MALRD1: variants seen among roughly 807,000 people sequenced by gnomAD.
MALRD1 encodes the protein MAM and LDL-receptor class A domain-containing protein 1.
A neutral mutation model predicts 242.1 loss-of-function variants in MALRD1; 247 were observed. That is an observed-to-expected ratio of 1.02 (90% CI 0.92 to 1.13). MALRD1 has a LOEUF of 1.13. Ranked by LOEUF, MALRD1 falls within the 50% of genes most tolerant of loss-of-function variation. The pLI, the probability that MALRD1 is intolerant of heterozygous loss-of-function variation, is 0.00. For missense variants in MALRD1, 2,989 were observed against 2,533.1 expected, an observed-to-expected ratio of 1.18 and a Z score of -3.86; for synonymous variants, 995 against 866.6, an observed-to-expected ratio of 1.15 and a Z score of -2.60.
At chr10:19,234,844 T>G (rs140864685) in intron 18 of MALRD1, among the ~76,000 whole-genome samples, 1 of 152,266 alleles carries the variant, frequency 6.6e-6, no homozygotes, top group Non-Finnish European at 1.5e-5. Flanking sequence ...GGATGGCATC[T>G]GACTCAGCAT....
intron 33 of MALRD1, among the ~76,000 whole-genome samples, chr10:19,593,761 G>C (rs917754970): frequency 6.6e-6 from 1 of 152,174 alleles, no homozygotes; most frequent in Non-Finnish European, 1.5e-5. Context: ...AACCTTTGCT[G>C]CAGAAACGTT....
At position 19,607,694 on chromosome 10, in the gene MALRD1, T is replaced by C. The variant is rs186751217; in HGVS notation, c.5945-83T>C. The C allele has an allele frequency of 2.0e-4, 291 of 1,467,690 alleles. 5 individuals carry two copies. The East Asian group carries it at 6.8e-3, about 34-fold the overall frequency. 90.9% of individuals were successfully genotyped at this position (1,467,690 alleles called of 1,614,324 possible). ...ATCAAGAGTAATATAATAAACTGTT[T>C]TATGTTATTTTGTTGTGAGAATTCA... On this transcript the variant is annotated intron_variant, in intron 34 of 39. Coordinates refer to ENST00000454679, the MANE Select transcript of MALRD1 (RefSeq NM_001142308.3).
At chr10:19,277,380 A>G (rs1186576305) in intron 19 of MALRD1, among the ~76,000 whole-genome samples, 1 of 152,164 alleles carries the variant, frequency 6.6e-6, no homozygotes, top group Non-Finnish European at 1.5e-5. Flanking sequence ...TTAATCTCTC[A>G]TGTAGACTGA....
In MALRD1 at chr10:19,531,282, A is replaced by C; in HGVS notation, c.5409A>C (p.Ala1803=). Residue 1803 remains alanine, a synonymous_variant, in exon 32 of 40, where the codon GCA becomes GCC. Transcript: ENST00000454679. The part of the protein sequence containing the change: ...ARITTSKSFP[A]SLGMCTVRFW... ...TTACTACTTCCAAATCCTTCCCAGC[A>C]AGCCTTGGAATGTGTACTGTTCGGT... 1 of 1,550,460 alleles carries C rather than the reference A, an allele frequency of 6.4e-7. No individual in the cohort carries two copies. Among genetic ancestry groups the C allele is most frequent in the Non-Finnish European group, 8.7e-7 (1 of 1,146,876 alleles).
At chr10:19,260,521 A>G (rs1205083932) in intron 19 of MALRD1, among the ~76,000 whole-genome samples, 2 of 152,166 alleles carry the variant, frequency 1.3e-5, no homozygotes, top group Non-Finnish European at 2.9e-5. Flanking sequence ...TCAGATCCTA[A>G]CAATGGGGCA....
intron 18 of MALRD1, among the ~76,000 whole-genome samples, chr10:19,221,465 TC>T (rs1171948043): frequency 6.6e-6 from 1 of 152,152 alleles, no homozygotes; most frequent in Non-Finnish European, 1.5e-5. Context: ...GCATGCTAAA[TC>T]TCACTTCACA....
Position 19,324,023 on chromosome 10 carries a change from C to T in MALRD1, c.3494C>T (p.Thr1165Ile), listed in dbSNP as rs1423411332. Reference protein sequence around the residue: ...GKFGDTADILTPIISLTGPKC... With the variant: ...GKFGDTADILIPIISLTGPKC... Reference sequence around the variant, plus strand: ...TTTGGTGACACGGCTGACATTCTCACTCCTATCATTTCACTCACGGGACCA... The same window carrying T: ...TTTGGTGACACGGCTGACATTCTCATTCCTATCATTTCACTCACGGGACCA... Residue 1165 changes from threonine (T) to isoleucine (I), a missense_variant, in exon 22 of 40, where the codon ACT (threonine) becomes ATT (isoleucine). Thr to Ile is a moderately conservative substitution (Grantham distance 89). Transcript: ENST00000454679. The T allele has an allele frequency of 6.4e-7, 1 of 1,550,794 alleles. No homozygotes were observed. Among genetic ancestry groups the T allele is most frequent in the East Asian group, 2.4e-5 (1 of 40,916 alleles).
At chr10:19,608,115 A>G (rs1838725337) in intron 35 of MALRD1, among the ~76,000 whole-genome samples, 1 of 152,136 alleles carries the variant, frequency 6.6e-6, no homozygotes, top group South Asian at 2.1e-4. Flanking sequence ...GTTCTACACA[A>G]TGTTTGATAA....
intron 5 of MALRD1, among the ~76,000 whole-genome samples, chr10:19,106,415 A>G (rs187394217): frequency 2.4e-4 from 36 of 151,788 alleles, no homozygotes; most frequent in Admixed American, 1.3e-3. Flanking sequence ...TATTTCTTCT[A>G]GGTTTTCCAG....
intron 18 of MALRD1, among the ~76,000 whole-genome samples, chr10:19,227,666 G>T (rs902088179): frequency 2.0e-5 from 3 of 151,764 alleles, no homozygotes; most frequent in African/African-American, 7.3e-5. Flanking sequence ...AAAATGAAAA[G>T]GCAAACCACA....
intron 21 of MALRD1, among the ~76,000 whole-genome samples, chr10:19,286,843 CA>C (rs1485182723): frequency 6.6e-6 from 1 of 150,612 alleles, no homozygotes; most frequent in Non-Finnish European, 1.5e-5. Flanking sequence ...ATTCTGATAC[CA>C]AAGCCGGGCA....
intron 26 of MALRD1, among the ~76,000 whole-genome samples, chr10:19,378,714 T>C (rs980175889): frequency 1.8e-4 from 27 of 152,184 alleles, no homozygotes; most frequent in African/African-American, 1.4e-4. Flanking sequence ...TGCAGAACTT[T>C]ATTGGCTAAT....
chr10:19,341,208 A>T (rs1843833522), intron 24 of MALRD1, among the ~76,000 whole-genome samples: 2 of 151,950 alleles, frequency 1.3e-5, no homozygotes, highest in African/African-American at 4.8e-5. Context: ...CACATAGTTC[A>T]TATGCATGTA....
intron 38 of MALRD1, among the ~76,000 whole-genome samples, chr10:19,704,572 C>T (rs1833778087): frequency 6.6e-6 from 1 of 152,132 alleles, no homozygotes; most frequent in South Asian, 2.1e-4. Flanking sequence ...TTCAGTTCAT[C>T]ACAGTAAGTA....
chr10:19,210,186 T>A (rs1408743391), intron 18 of MALRD1, among the ~76,000 whole-genome samples: 1 of 152,248 alleles, frequency 6.6e-6, no homozygotes, highest in African/African-American at 2.4e-5. Context: ...AGATTTCACC[T>A]GCTGTTTTCT....
At chr10:19,316,593 A>G (rs959642132) in intron 21 of MALRD1, among the ~76,000 whole-genome samples, 7 of 151,828 alleles carry the variant, frequency 4.6e-5, no homozygotes, top group African/African-American at 7.3e-5. Context: ...TCATCACACA[A>G]TGGGGTTGGT....
intron 36 of MALRD1, among the ~76,000 whole-genome samples, chr10:19,676,526 A>T (rs2131778505): frequency 6.6e-6 from 1 of 152,314 alleles, no homozygotes; most frequent in East Asian, 1.9e-4. Context: ...TTTGAAATTG[A>T]CTTAATGATT....
chr10:19,235,266 C>T (rs1447005269), intron 18 of MALRD1, among the ~76,000 whole-genome samples: 3 of 151,980 alleles, frequency 2.0e-5, no homozygotes, highest in Non-Finnish European at 4.4e-5. Flanking sequence ...TGTCTACAGC[C>T]CTGCTGGCAT....
chr10:19,167,203 C>T (rs548555551), intron 13 of MALRD1, among the ~76,000 whole-genome samples: 48 of 151,896 alleles, frequency 3.2e-4, no homozygotes, highest in African/African-American at 1.2e-3. Context: ...ACAAAAAATA[C>T]AAAAAATTAG....
Sources: gnomAD v4.1 joint callset for allele counts (sites outside exome capture counted in the v4.1 genomes callset) on GRCh38, gnomAD v4.1.1 for gene constraint, MANE v1.5 for transcripts, NCBI Gene and HGNC (gene_info 2026-07-23, HGNC 2026-07-21) for gene names.